The following PDZD2 variants were observed in gnomAD, a reference collection of about 807,000 sequenced individuals.
PDZD2 encodes the protein PDZ domain containing 2.
In PDZD2, 90 loss-of-function variants were observed where a neutral mutation model predicts 220.7. The observed-to-expected ratio is 0.41, with a 90% CI of 0.34 to 0.49. The LOEUF (loss-of-function observed/expected upper bound fraction) is 0.49, where lower values mean the gene tolerates loss of function less well. Among genes scored for constraint, PDZD2 ranks in the 20% least tolerant of loss-of-function variants. The pLI, the probability that PDZD2 is intolerant of heterozygous loss-of-function variation, is 0.28. For missense variants in PDZD2, 3,174 were observed against 3,608.5 expected, an observed-to-expected ratio of 0.88 and a Z score of 3.08; for synonymous variants, 1,375 against 1,450.5, an observed-to-expected ratio of 0.95 and a Z score of 1.18.
rs2150103607 is a variant in PDZD2, at chr5:31,646,266, T to C, written c.-361+6829T>C. Among the ~76,000 whole-genome samples, 1 of 152,236 alleles carries C rather than the reference T, an allele frequency of 6.6e-6. No homozygotes were observed. Among genetic ancestry groups the C allele is most frequent in the Admixed American group, 6.5e-5 (1 of 15,296 alleles). On this transcript the variant is annotated intron_variant, in intron 1 of 24. Coordinates refer to ENST00000438447, the MANE Select transcript of PDZD2 (RefSeq NM_178140.4). The surrounding 1 kb of genome is among the most constrained non-coding windows in gnomAD (Gnocchi z 4.7). ...CTGGAGACTGGAGAGGCAAGTGTAT[T>C]TTGGGGTAGCCATAATATCTTGGGT...
rs191141009 is a variant in PDZD2 at position 32,095,189 on chromosome 5, C to T, written c.7846-2090C>T. ...GTATGGCCAGCATGCCACAGTGCTGCCCGAGGGTGGCTTATTCTAGGGCCT... is the reference window on the plus strand; with the variant it reads ...GTATGGCCAGCATGCCACAGTGCTGTCCGAGGGTGGCTTATTCTAGGGCCT... On this transcript the variant is annotated intron_variant, in intron 21 of 24. Coordinates refer to ENST00000438447, the MANE Select transcript of PDZD2 (RefSeq NM_178140.4). Among the ~76,000 whole-genome samples the T allele has an allele frequency of 3.1e-3, 477 of 152,300 alleles. 3 individuals carry two copies. Among genetic ancestry groups the T allele is most frequent in the Non-Finnish European group, 6.1e-3 (413 of 68,004 alleles).
At chr5:31,853,623 G>A (rs1265087124) in intron 2 of PDZD2, among the ~76,000 whole-genome samples, 3 of 152,194 alleles carry the variant, frequency 2.0e-5, no homozygotes, top group East Asian at 3.8e-4. Context: ...CATTCCGGTG[G>A]CAGTAATGGT....
At chr5:31,897,759 C>T (rs146182937) in intron 2 of PDZD2, among the ~76,000 whole-genome samples, 15 of 146,112 alleles carry the variant, frequency 1.0e-4, no homozygotes, top group African/African-American at 3.6e-4. Context: ...TTTTTTGAGA[C>T]GGAGTCTGTC....
At chr5:31,970,745 C>T (rs138616983) in intron 2 of PDZD2, among the ~76,000 whole-genome samples, 2 of 152,170 alleles carry the variant, frequency 1.3e-5, no homozygotes, top group African/African-American at 2.4e-5. Flanking sequence ...AAATTGTCAC[C>T]CTCTTGCTAA....
At chr5:31,648,712 C>T (rs1009505352) in intron 1 of PDZD2, among the ~76,000 whole-genome samples, 1 of 151,400 alleles carries the variant, frequency 6.6e-6, no homozygotes, top group African/African-American at 2.4e-5. Context: ...AGGTTCACAG[C>T]CAAATTGAGA....
At chr5:31,834,548 T>C (rs1201978130) in intron 2 of PDZD2, among the ~76,000 whole-genome samples, 1 of 152,162 alleles carries the variant, frequency 6.6e-6, no homozygotes, top group Non-Finnish European at 1.5e-5. Context: ...TCTTTGCACA[T>C]ACCTTTCTGC....
Position 32,108,092 on chromosome 5 carries a change from G to C in PDZD2, c.8477G>C (p.Gly2826Ala), listed in dbSNP as rs780921245. 2 of 1,610,934 alleles carry C rather than the reference G, an allele frequency of 1.2e-6. No homozygotes were observed. Among genetic ancestry groups the C allele is most frequent in the Non-Finnish European group, 1.7e-6 (2 of 1,177,540 alleles). The change falls in exon 25 of 25, where the codon GGA becomes GCA. Residue 2826 changes from glycine to alanine, a missense_variant. Around this residue, in one of 4 missense-constraint regions of PDZD2, gnomAD observed 631 missense variants for 789.9 expected, o/e 0.80. Transcript: ENST00000438447. ...AWNIMKSVPE[G>A]PVQLLIRKHR... ...AATATTATGAAGTCTGTCCCAGAAGGACCTGTGCAGTTATTAATTAGAAAG... is the reference window on the plus strand; with the variant it reads ...AATATTATGAAGTCTGTCCCAGAAGCACCTGTGCAGTTATTAATTAGAAAG...
intron 8 of PDZD2, among the ~76,000 whole-genome samples, chr5:32,051,253 A>G (rs770148090): frequency 2.0e-5 from 3 of 152,170 alleles, no homozygotes; most frequent in Non-Finnish European, 4.4e-5. Context: ...CATCACTGCA[A>G]TGGTTTCATT....
chr5:31,975,602 C>T (rs1363967397), intron 2 of PDZD2, among the ~76,000 whole-genome samples: 1 of 152,118 alleles, frequency 6.6e-6, no homozygotes. Context: ...TAGTGACTTC[C>T]TCAGTCTCTT....
intron 1 of PDZD2, among the ~76,000 whole-genome samples, chr5:31,647,465 C>G (rs987401177): frequency 6.6e-6 from 1 of 152,146 alleles, no homozygotes; most frequent in African/African-American, 2.4e-5. Context: ...TTGACAGGGC[C>G]GTGCTCCTTC....
intron 18 of PDZD2, 78 bp downstream of exon 18, chr5:32,074,721 A>G (rs1007088781): frequency 2.2e-6 from 2 of 920,854 alleles, no homozygotes; most frequent in South Asian, 3.4e-5. Context: ...GTTGTAAAGC[A>G]TGGGTAAGCT....
chr5:31,809,761 G>A (rs1754980118), intron 2 of PDZD2, among the ~76,000 whole-genome samples: 2 of 152,118 alleles, frequency 1.3e-5, no homozygotes, highest in South Asian at 4.2e-4. Context: ...TGCTTTTCAG[G>A]GTCCACTTGT....
At chr5:31,862,103 T>TGTG (rs1554084875) in intron 2 of PDZD2, among the ~76,000 whole-genome samples, 5 of 54,450 alleles carry the variant, frequency 9.2e-5, no homozygotes, top group African/African-American at 2.0e-4. Flanking sequence ...TTTTTTGGGT[T>TGTG]TTTTTTTTTT....
chr5:31,740,292 G>C (rs945634591), intron 1 of PDZD2, among the ~76,000 whole-genome samples: 4 of 151,514 alleles, frequency 2.6e-5, no homozygotes, highest in Non-Finnish European at 5.9e-5. Context: ...AGGCCGAGGC[G>C]GGCAGATCAC....
At chr5:31,958,310 G>T (rs1747911427) in intron 2 of PDZD2, among the ~76,000 whole-genome samples, 1 of 151,712 alleles carries the variant, frequency 6.6e-6, no homozygotes, top group South Asian at 2.1e-4. Context: ...CTGGAGTGCA[G>T]TGGTGCAGTC....
At chr5:31,979,138 C>T (rs959774270) in intron 2 of PDZD2, among the ~76,000 whole-genome samples, 10 of 152,162 alleles carry the variant, frequency 6.6e-5, no homozygotes, top group African/African-American at 2.2e-4. Context: ...TACCACTCAT[C>T]GTGTTGTTTA....
chr5:32,097,706 C>T (rs967611927), intron 22 of PDZD2, among the ~76,000 whole-genome samples: 3 of 152,118 alleles, frequency 2.0e-5, no homozygotes, highest in African/African-American at 7.2e-5. Flanking sequence ...CAATTACTCC[C>T]GTCTCAAAAA....
chr5:32,037,030 C>T (rs566907013), intron 6 of PDZD2, among the ~76,000 whole-genome samples: 3 of 152,292 alleles, frequency 2.0e-5, no homozygotes, highest in Admixed American at 6.5e-5. Flanking sequence ...CGGTGAGACG[C>T]GTGCTGAGGA....
chr5:31,783,276 T>C (rs1580747292), intron 1 of PDZD2, among the ~76,000 whole-genome samples: 2 of 151,924 alleles, frequency 1.3e-5, no homozygotes, highest in East Asian at 3.9e-4. Context: ...TTTTTTCTGG[T>C]CTTAAGACTC....
Sources: gnomAD v4.1 joint callset for allele counts (sites outside exome capture counted in the v4.1 genomes callset) on GRCh38, gnomAD v4.1.1 for gene constraint, gnomAD v4.1.1 regional missense constraint, Gnocchi (gnomAD v3.1) non-coding constraint, MANE v1.5 for transcripts, NCBI Gene and HGNC (gene_info 2026-07-23, HGNC 2026-07-21) for gene names.